CFAP299: variants seen among roughly 807,000 people sequenced by gnomAD.
CFAP299 encodes cilia- and flagella-associated protein 299.
A neutral mutation model predicts 27.0 loss-of-function variants in CFAP299; 21 were observed. That is an observed-to-expected ratio of 0.78 (90% CI 0.55 to 1.12). The LOEUF is 1.12. Among genes scored for constraint, CFAP299 ranks in the 50% most tolerant of loss-of-function variants. The pLI, the probability that CFAP299 is intolerant of heterozygous loss-of-function variation, is 0.00. For synonymous variants in CFAP299, 104 were observed against 98.1 expected (o/e 1.06, Z -0.36); for missense variants, 310 against 276.6 (o/e 1.12, Z -0.86).
chr4:80,920,164 GAAAC>G (rs148971352), intron 4 of CFAP299, among the ~76,000 whole-genome samples: 13,996 of 151,994 alleles, frequency 0.092, 1,874 homozygotes, highest in African/African-American at 0.29. Context: ...ACTTTCCTGA[GAAAC>G]AGTCATACTG....
At chr4:80,953,308 T>C (rs982343550) in intron 5 of CFAP299, among the ~76,000 whole-genome samples, 4 of 152,196 alleles carry the variant, frequency 2.6e-5, no homozygotes, top group Non-Finnish European at 5.9e-5. Flanking sequence ...AGTTATTAAG[T>C]AAAGCTGAGG....
At chr4:80,903,910 A>T (rs1735058015) in intron 4 of CFAP299, among the ~76,000 whole-genome samples, 1 of 152,322 alleles carries the variant, frequency 6.6e-6, no homozygotes. Context: ...GGTCAGGAGC[A>T]TAGAGAAGGG....
rs138384508 is a variant in CFAP299 at position 80,738,691 on chromosome 4, C to G, written c.334-131302C>G. Among the ~76,000 whole-genome samples, 516 of 151,358 alleles carry G rather than the reference C, an allele frequency of 3.4e-3. 1 individual carries two copies. The highest frequency in any genetic ancestry group is 5.5e-3 in the Non-Finnish European group (374 of 67,784). On this transcript the variant is annotated intron_variant, in intron 3 of 5. Transcript: ENST00000358105. ...TTTTTTTTTAACCCTTTCAACCACT[C>G]TATGTCTTTGCTGGGAGAGTTTAGT...
chr4:80,857,568 G>C (rs1389507428), intron 3 of CFAP299, among the ~76,000 whole-genome samples: 1 of 152,162 alleles, frequency 6.6e-6, no homozygotes, highest in Non-Finnish European at 1.5e-5. Context: ...TTATTATTTT[G>C]AGATACATCC....
intron 1 of CFAP299, among the ~76,000 whole-genome samples, chr4:80,358,194 C>T (rs191681071): frequency 2.6e-5 from 4 of 152,044 alleles, no homozygotes; most frequent in Non-Finnish European, 4.4e-5. Context: ...GTGCTTTGGT[C>T]CAAGATATTG....
intron 3 of CFAP299, among the ~76,000 whole-genome samples, chr4:80,863,711 A>G (rs1252092360): frequency 3.3e-5 from 5 of 152,154 alleles, no homozygotes; most frequent in African/African-American, 1.2e-4. Flanking sequence ...AATGAATAGC[A>G]TGTGATTTTT....
At chr4:80,508,733 T>C (rs1259903649) in intron 2 of CFAP299, among the ~76,000 whole-genome samples, 1 of 152,064 alleles carries the variant, frequency 6.6e-6, no homozygotes, top group Non-Finnish European at 1.5e-5. Flanking sequence ...TGTTTTAAAA[T>C]TTCTTGCAGA....
chr4:80,693,552 T>TG (rs1553949855), intron 3 of CFAP299, among the ~76,000 whole-genome samples: 1 of 20,814 alleles, frequency 4.8e-5, no homozygotes, highest in African/African-American at 1.9e-4. Context: ...TGTGGTGGGG[T>TG]GGGGGAGGGG....
intron 3 of CFAP299, among the ~76,000 whole-genome samples, chr4:80,606,218 TGAGTA>T (rs1257765360): frequency 1.3e-5 from 2 of 152,324 alleles, no homozygotes; most frequent in Non-Finnish European, 2.9e-5. Context: ...AGAAATACTC[TGAGTA>T]TAGTATGTAC....
intron 3 of CFAP299, among the ~76,000 whole-genome samples, chr4:80,616,644 G>A (rs1490440625): frequency 2.0e-5 from 3 of 151,854 alleles, no homozygotes; most frequent in Non-Finnish European, 4.4e-5. Flanking sequence ...CTTTCCTGGG[G>A]GGCCCTAAGC....
At chr4:80,804,557 T>A (rs1728768358) in intron 3 of CFAP299, among the ~76,000 whole-genome samples, 1 of 152,172 alleles carries the variant, frequency 6.6e-6, no homozygotes, top group African/African-American at 2.4e-5. Context: ...CTACATTGTA[T>A]CTATTGTGAA....
At chr4:80,434,758 A>G (rs1166219986) in intron 2 of CFAP299, among the ~76,000 whole-genome samples, 1 of 152,214 alleles carries the variant, frequency 6.6e-6, no homozygotes, top group Non-Finnish European at 1.5e-5. Context: ...GTGATGTATT[A>G]TATTTAGCAT....
In CFAP299 at chr4:80,751,893, C is replaced by T. The variant is rs561508743; in HGVS notation, c.334-118100C>T. Among the ~76,000 whole-genome samples, 26 of 152,260 alleles carry T rather than the reference C, an allele frequency of 1.7e-4. No individual in the cohort carries two copies. The South Asian group carries it at 5.4e-3, about 32-fold the overall frequency. On this transcript the variant is annotated intron_variant, in intron 3 of 5. Coordinates refer to ENST00000358105, the MANE Select transcript of CFAP299 (RefSeq NM_152770.3). Reference sequence around the variant, plus strand: ...CTGCTTGGCTCTCTGGATTCAACCCCTTTTCTAGGGATATGGACGGATGTA... The same window carrying T: ...CTGCTTGGCTCTCTGGATTCAACCCTTTTTCTAGGGATATGGACGGATGTA...
At chr4:80,799,678 TTTATAAATATATAATATATA>T (rs1728203430) in intron 3 of CFAP299, among the ~76,000 whole-genome samples, 1 of 25,332 alleles carries the variant, frequency 3.9e-5, no homozygotes, top group African/African-American at 1.8e-4. Context: ...TAAATATATA[TTTATAAATATATAATATATA>T]AAATATATAT....
At chr4:80,816,749 G>T (rs997340316) in intron 3 of CFAP299, among the ~76,000 whole-genome samples, 3 of 152,012 alleles carry the variant, frequency 2.0e-5, no homozygotes, top group Non-Finnish European at 4.4e-5. Flanking sequence ...TAGTGCAGGG[G>T]TGTCCAATGT....
chr4:80,594,621 T>C (rs909136306), intron 3 of CFAP299, among the ~76,000 whole-genome samples: 7 of 152,230 alleles, frequency 4.6e-5, no homozygotes, highest in African/African-American at 1.7e-4. Context: ...ATTTTTTTAA[T>C]CTTTGTATCG....
rs1245004411 is a variant in CFAP299 at position 80,841,314 on chromosome 4, TC to T, written c.334-28678del. On this transcript the variant is annotated intron_variant, in intron 3 of 5. Transcript: ENST00000358105. ...TAATAAGGCCACTAAACTCCACCTA[TC>T]TAGGAGAGAATAACAACCTGTAGAG... Among the ~76,000 whole-genome samples, 4 of 152,198 alleles carry T rather than the reference TC, an allele frequency of 2.6e-5. No homozygotes were observed. In the East Asian group the frequency reaches 5.8e-4, roughly 22 times the overall value.
chr4:80,844,761 A>C (rs1560440890), intron 3 of CFAP299, among the ~76,000 whole-genome samples: 1 of 152,166 alleles, frequency 6.6e-6, no homozygotes, highest in Non-Finnish European at 1.5e-5. Context: ...TAGTTTAATT[A>C]GATCCCATTT....
At chr4:80,688,149 A>G (rs1487986689) in intron 3 of CFAP299, among the ~76,000 whole-genome samples, 2 of 152,216 alleles carry the variant, frequency 1.3e-5, no homozygotes, top group Non-Finnish European at 2.9e-5. Flanking sequence ...GCTTAGGTAA[A>G]CAAAGCAGCC....
Sources: gnomAD v4.1 joint callset for allele counts (sites outside exome capture counted in the v4.1 genomes callset) on GRCh38, gnomAD v4.1.1 for gene constraint, MANE v1.5 for transcripts, NCBI Gene and HGNC (gene_info 2026-07-23, HGNC 2026-07-21) for gene names.